BMPR1B: variants seen among roughly 807,000 people sequenced by gnomAD.
BMPR1B encodes bone morphogenetic protein receptor type 1B, also known as bone morphogenetic protein receptor type-1B.
A neutral mutation model predicts 59.1 loss-of-function variants in BMPR1B; 12 were observed. The ratio of observed to expected loss-of-function variants is 0.20; its 90% confidence interval spans 0.13 to 0.33. The LOEUF is 0.33. BMPR1B is among the 10% of genes least tolerant of loss of function. The pLI is 1.00. For synonymous variants in BMPR1B, 237 were observed against 207.3 expected (o/e 1.14, Z -1.23); for missense variants, 550 against 610.9 (o/e 0.90, Z 1.05).
chr4:94,993,965 T>G (rs1336267685), intron 2 of BMPR1B, among the ~76,000 whole-genome samples: 2 of 152,190 alleles, frequency 1.3e-5, no homozygotes, highest in African/African-American at 4.8e-5. Context: ...TAGATTTAGA[T>G]GCTATTGAGT....
chr4:94,968,088 T>C (rs1171106737), intron 2 of BMPR1B, among the ~76,000 whole-genome samples: 1 of 152,234 alleles, frequency 6.6e-6, no homozygotes, highest in Non-Finnish European at 1.5e-5. Context: ...TCAGGGACTT[T>C]TTCTTTCTTT....
chr4:94,842,819 A>G (rs745637936), intron 1 of BMPR1B, among the ~76,000 whole-genome samples: 12 of 151,982 alleles, frequency 7.9e-5, no homozygotes, highest in Non-Finnish European at 1.8e-4. Context: ...AAACAAATAT[A>G]TTTATCTTCA....
intron 8 of BMPR1B, among the ~76,000 whole-genome samples, chr4:95,125,360 AG>A (rs570905098): frequency 2.5e-3 from 374 of 152,302 alleles, no homozygotes; most frequent in Non-Finnish European, 4.1e-3. Flanking sequence ...ATTCTGATGA[AG>A]AGCAGATTAG....
intron 1 of BMPR1B, among the ~76,000 whole-genome samples, chr4:94,827,431 A>G (rs1355392440): frequency 6.6e-6 from 1 of 152,106 alleles, no homozygotes; most frequent in Non-Finnish European, 1.5e-5. Context: ...ATATTTCTCA[A>G]ATATATTATT....
intron 1 of BMPR1B, among the ~76,000 whole-genome samples, chr4:94,796,602 A>G (rs909271771): frequency 2.6e-5 from 4 of 152,094 alleles, no homozygotes; most frequent in African/African-American, 9.7e-5. Flanking sequence ...AAGAGAAATT[A>G]TTTAAGTATT....
intron 4 of BMPR1B, among the ~76,000 whole-genome samples, chr4:95,106,361 A>G (rs1308758897): frequency 2.0e-5 from 3 of 152,050 alleles, no homozygotes; most frequent in Non-Finnish European, 4.4e-5. Context: ...ACAGAAGTGA[A>G]TTCAAGAACA....
At chr4:94,907,160 A>G in intron 2 of BMPR1B, among the ~76,000 whole-genome samples, 1 of 152,062 alleles carries the variant, frequency 6.6e-6, no homozygotes, top group East Asian at 1.9e-4. Context: ...AGAATTTTGG[A>G]GGTGGTAGCT....
chr4:94,995,128 T>C (rs4145993), intron 2 of BMPR1B, among the ~76,000 whole-genome samples: 109,519 of 152,046 alleles, frequency 0.72, 40,645 homozygotes, highest in East Asian at 0.86. Flanking sequence ...ATAGGTGGTA[T>C]ATGGAGATAC....
chr4:94,769,610 C>CAAA (rs35417815), intron 1 of BMPR1B, among the ~76,000 whole-genome samples: 3 of 145,008 alleles, frequency 2.1e-5, no homozygotes, highest in Non-Finnish European at 3.0e-5. Flanking sequence ...AACACCTTCT[C>CAAA]AAAAAAAAAA....
chr4:95,120,701 TTC>T (rs747281517), intron 6 of BMPR1B, among the ~76,000 whole-genome samples: 258 of 146,062 alleles, frequency 1.8e-3, no homozygotes, highest in African/African-American at 5.5e-3. Context: ...CTTTCTCTCT[TTC>T]TCTCTCTCTC....
At chr4:94,891,632 C>G (rs886502864) in intron 2 of BMPR1B, among the ~76,000 whole-genome samples, 17 of 151,848 alleles carry the variant, frequency 1.1e-4, no homozygotes, top group African/African-American at 3.6e-4. Context: ...GGAATGGCAG[C>G]GTATGTAGAA....
intron 3 of BMPR1B, chr4:95,091,575 T>C: frequency 1.0e-6 from 1 of 985,218 alleles, no homozygotes. Context: ...CCTCCTCATG[T>C]CTCTCATCCT....
intron 1 of BMPR1B, among the ~76,000 whole-genome samples, chr4:94,844,244 T>G (rs1322555188): frequency 6.9e-6 from 1 of 144,854 alleles, no homozygotes; most frequent in Admixed American, 6.9e-5. Flanking sequence ...TGTGTGTGTG[T>G]GTGTGTGTGT....
At chr4:94,806,622 G>A (rs953140442) in intron 1 of BMPR1B, among the ~76,000 whole-genome samples, 29 of 152,238 alleles carry the variant, frequency 1.9e-4, no homozygotes, top group Admixed American at 1.8e-3. Flanking sequence ...GTGTTACTGT[G>A]TTATAGGTCA....
chr4:94,920,809 C>T (rs7669822), intron 2 of BMPR1B, among the ~76,000 whole-genome samples: 36,579 of 152,112 alleles, frequency 0.24, 5,289 homozygotes, highest in African/African-American at 0.4. Flanking sequence ...TTTGAGTGCT[C>T]ACTTCAAGCT....
At chr4:94,853,469 T>C (rs1421180485) in intron 1 of BMPR1B, among the ~76,000 whole-genome samples, 1 of 152,192 alleles carries the variant, frequency 6.6e-6, no homozygotes, top group Admixed American at 6.5e-5. Context: ...ATAAAATATA[T>C]TCTCTCCATG....
chr4:94,997,845 T>C (rs1578900912), intron 3 of BMPR1B, among the ~76,000 whole-genome samples: 2 of 152,194 alleles, frequency 1.3e-5, no homozygotes, highest in Admixed American at 6.5e-5. Context: ...TTATTCAGTA[T>C]CTTTTATTTT....
At chr4:94,907,909 G>A (rs888246863) in intron 2 of BMPR1B, among the ~76,000 whole-genome samples, 6 of 151,110 alleles carry the variant, frequency 4.0e-5, no homozygotes, top group African/African-American at 1.2e-4. Flanking sequence ...CTTAAGCCAG[G>A]TGTGGTGGCA....
In BMPR1B at chr4:94,981,255, G is replaced by A. The variant is rs571750302; in HGVS notation, c.-112-14785G>A. 2.0e-5 allele frequency among the ~76,000 whole-genome samples: 3 copies of A among 151,200 alleles called. No individual in the cohort carries two copies. In the South Asian group the frequency reaches 6.3e-4, roughly 32 times the overall value. ...GGTATGCTCTATTGCCCAGTTTGGAGTGCAGTGGCGCAATCACTGCTCACT... is the reference window on the plus strand; with the variant it reads ...GGTATGCTCTATTGCCCAGTTTGGAATGCAGTGGCGCAATCACTGCTCACT... On this transcript the variant is annotated intron_variant, in intron 2 of 12. Transcript: ENST00000515059.
Sources: gnomAD v4.1 joint callset for allele counts (sites outside exome capture counted in the v4.1 genomes callset) on GRCh38, gnomAD v4.1.1 for gene constraint, MANE v1.5 for transcripts, NCBI Gene and HGNC (gene_info 2026-07-23, HGNC 2026-07-21) for gene names.